TADA2B: variants seen among roughly 807,000 people sequenced by gnomAD.
TADA2B encodes the protein transcriptional adapter 2-beta.
Under a neutral mutation model 34.5 loss-of-function variants are expected in TADA2B, and 13 were observed. That is an observed-to-expected ratio of 0.38 (90% CI 0.25 to 0.60). The LOEUF (loss-of-function observed/expected upper bound fraction) is 0.60. Ranked by LOEUF, TADA2B falls within the 20% of genes least tolerant of loss-of-function variation. The pLI, the probability that TADA2B is intolerant of heterozygous loss-of-function variation, is 0.65. For missense variants in TADA2B, 442 were observed against 575.0 expected (o/e 0.77, Z 2.37); for synonymous variants, 240 against 243.4 (o/e 0.99, Z 0.13).
At chr4:7,050,031 A>G (rs1349790334) in intron 1 of TADA2B, among the ~76,000 whole-genome samples, 1 of 152,214 alleles carries the variant, frequency 6.6e-6, no homozygotes, top group Non-Finnish European at 1.5e-5. Flanking sequence ...TGGAGCTCCT[A>G]AGAGGGGCTG....
Position 7,054,523 on chromosome 4 carries a change from G to A in TADA2B, c.732G>A (p.Leu244=). ...ACAAGAAGGAGAAGGAAAAGGCGCT[G>A]AAGCGCAAGATCACCAAGGAGGAGA... The part of the protein sequence containing the change: ...GKDKKEKEKA[L]KRKITKEEKE... Residue 244 remains leucine, a synonymous_variant, in exon 2 of 2, where the codon CTG becomes CTA. Coordinates refer to ENST00000310074, the MANE Select transcript of TADA2B (RefSeq NM_152293.3). 1 of 1,613,844 alleles carries A rather than the reference G, an allele frequency of 6.2e-7. No homozygotes were observed. Among genetic ancestry groups the A allele is most frequent in the Non-Finnish European group, 8.5e-7 (1 of 1,179,914 alleles).
chr4:7,051,771 G>A (rs1211406998), intron 1 of TADA2B, among the ~76,000 whole-genome samples: 3 of 151,668 alleles, frequency 2.0e-5, no homozygotes, highest in Non-Finnish European at 2.9e-5. Context: ...CTAATTTTTT[G>A]TATTTTTAGT....
chr4:7,055,349 C>T lies in TADA2B; in HGVS notation c.*295C>T, dbSNP rs1723865153. 6.5e-6 allele frequency: 2 copies of T among 305,930 alleles called. No homozygotes were observed. The highest frequency in any genetic ancestry group is 1.2e-5 in the Non-Finnish European group (2 of 166,156). 19.0% of individuals were successfully genotyped at this position (305,930 alleles called of 1,614,324 possible). ...GCTTATTGTGAGATTGGATCATTTC[C>T]TTTTGAGTGTTCTTCTCTTTGGTAC... On this transcript the variant is annotated 3_prime_UTR_variant, in exon 2 of 2. Transcript: ENST00000310074.
rs767526179 is a variant in TADA2B, at chr4:7,054,375, A to G, written c.584A>G (p.Asp195Gly). Residue 195 changes from aspartate (D) to glycine (G), a missense_variant, in exon 2 of 2, where the codon GAC (aspartate) becomes GGC (glycine). Transcript: ENST00000310074. ...GGGCTCTCTGTCAACTATGATGACGACGACGTGGAGATCGAGCTGAAGCGC... is the reference window on the plus strand; with the variant it reads ...GGGCTCTCTGTCAACTATGATGACGGCGACGTGGAGATCGAGCTGAAGCGC... ...ISGLSVNYDD[D>G]DVEIELKRAH... The G allele has an allele frequency of 1.9e-6, 3 of 1,613,630 alleles. No individual in the cohort carries two copies. The South Asian group carries it at 3.3e-5, about 18-fold the overall frequency.
At chr4:7,051,636 C>T (rs1276735698) in intron 1 of TADA2B, among the ~76,000 whole-genome samples, 4 of 149,486 alleles carry the variant, frequency 2.7e-5, no homozygotes, top group East Asian at 2.0e-4. Flanking sequence ...CTCGCTCTTT[C>T]GCCCAGGCTG....
intron 1 of TADA2B, chr4:7,053,651 C>T (rs1285788427): frequency 1.2e-5 from 2 of 167,878 alleles, no homozygotes; most frequent in Non-Finnish European, 2.6e-5. Flanking sequence ...TTGGCCTGCC[C>T]TGCTGTCTCC....
intron 1 of TADA2B, chr4:7,053,820 C>T (rs1476251002): frequency 6.1e-6 from 3 of 488,896 alleles, no homozygotes; most frequent in Non-Finnish European, 1.1e-5. Context: ...CCAGCTTGTG[C>T]CTCTCTGGGT....
chr4:7,049,797 C>T (rs1210643965), intron 1 of TADA2B, among the ~76,000 whole-genome samples: 1 of 152,274 alleles, frequency 6.6e-6, no homozygotes, highest in Non-Finnish European at 1.5e-5. Flanking sequence ...CCAGGGGCCA[C>T]CGCATGGCCG....
At position 7,047,933 on chromosome 4, in the gene TADA2B, C is replaced by T. The variant is rs555661989; in HGVS notation, c.270+4084C>T. Among the ~76,000 whole-genome samples the T allele has an allele frequency of 2.6e-3, 392 of 152,314 alleles. 1 individual carries two copies. The highest frequency in any genetic ancestry group is 8.8e-3 in the African/African-American group (365 of 41,572). On this transcript the variant is annotated intron_variant, in intron 1 of 1. Transcript: ENST00000310074. ...ACACGCGCCCCTCTCACCATCTCCC[C>T]GTCCCCTAATCCCTGAGACAGGTGC...
intron 1 of TADA2B, among the ~76,000 whole-genome samples, chr4:7,049,671 G>A (rs1038132309): frequency 1.7e-4 from 26 of 152,252 alleles, no homozygotes; most frequent in Admixed American, 1.6e-3. Context: ...AGGGATGCTT[G>A]TGCTGAGAGT....
intron 1 of TADA2B, among the ~76,000 whole-genome samples, chr4:7,051,649 C>G (rs555419506): frequency 1.1e-3 from 173 of 151,658 alleles, no homozygotes; most frequent in Non-Finnish European, 2.1e-3. Context: ...CCAGGCTGGA[C>G]TGCAGTGGCA....
At chr4:7,050,705 T>C (rs2108785056) in intron 1 of TADA2B, among the ~76,000 whole-genome samples, 1 of 152,352 alleles carries the variant, frequency 6.6e-6, no homozygotes, top group African/African-American at 2.4e-5. Flanking sequence ...CTGCGTTCAC[T>C]GCACATCACG....
chr4:7,054,558 G>T lies in TADA2B; in HGVS notation c.767G>T (p.Arg256Leu). The T allele has an allele frequency of 6.2e-7, 1 of 1,613,870 alleles. No homozygotes were observed. Among genetic ancestry groups the T allele is most frequent in the South Asian group, 1.1e-5 (1 of 91,086 alleles). The change falls in exon 2 of 2, where the codon CGC (arginine) becomes CTC (leucine). Residue 256 changes from arginine to leucine, a missense_variant. Physicochemically the swap from Arg to Leu is moderately radical, Grantham distance 102. Transcript: ENST00000310074. ...ATCACCAAGGAGGAGAAGGAGCTGC[G>T]CCTGAAGCTGAGGCCGCTGTACCAG... ...RKITKEEKEL[R>L]LKLRPLYQFM...
chr4:7,049,483 C>CA (rs1423188464), intron 1 of TADA2B, among the ~76,000 whole-genome samples: 1 of 152,210 alleles, frequency 6.6e-6, no homozygotes, highest in African/African-American at 2.4e-5. Context: ...CCTTGAGGGC[C>CA]AATGACAACT....
chr4:7,048,102 C>T (rs1723677038), intron 1 of TADA2B, among the ~76,000 whole-genome samples: 1 of 152,208 alleles, frequency 6.6e-6, no homozygotes, highest in South Asian at 2.1e-4. Context: ...TCCCAGGGAT[C>T]CCCTGAGATC....
At position 7,055,143 on chromosome 4, in the gene TADA2B, C is replaced by T. The variant is rs953153836; in HGVS notation, c.*89C>T. On this transcript the variant is annotated 3_prime_UTR_variant, in exon 2 of 2. Transcript: ENST00000310074. ...GAGGGGAGCCGCTTCCCCACTGTTG[C>T]TCTTTTTTAAACAAATTGAGTTCCT... 6.2e-5 allele frequency: 83 copies of T among 1,346,204 alleles called. No individual in the cohort carries two copies. The highest frequency in any genetic ancestry group is 1.6e-4 in the African/African-American group (11 of 67,788). The allele number at this position is 1,346,204 out of a possible 1,614,324, so 83.4% of individuals were successfully genotyped here.
At chr4:7,053,982 A>G in intron 1 of TADA2B, 80 bp from the exon 2 acceptor site, 5 of 1,453,794 alleles carry the variant, frequency 3.4e-6, no homozygotes, top group Non-Finnish European at 4.6e-6. Context: ...CAGCCTTTGT[A>G]AAAACGTGAA....
chr4:7,045,654 C>T (rs1352447541), intron 1 of TADA2B: 2 of 152,262 alleles, frequency 1.3e-5, no homozygotes, highest in Non-Finnish European at 2.9e-5. Context: ...CATCCCAGCA[C>T]TTACCTCTAC....
chr4:7,050,786 C>T (rs1723748660), intron 1 of TADA2B, among the ~76,000 whole-genome samples: 1 of 152,240 alleles, frequency 6.6e-6, no homozygotes. Context: ...AGAAGCCCAG[C>T]GTCCGGCTTC....
Sources: gnomAD v4.1 joint callset for allele counts (sites outside exome capture counted in the v4.1 genomes callset) on GRCh38, gnomAD v4.1.1 for gene constraint, MANE v1.5 for transcripts, NCBI Gene and HGNC (gene_info 2026-07-23, HGNC 2026-07-21) for gene names.